Variants in ATPSCKMT observed in about 807,000 individuals in gnomAD.
The protein encoded by ATPSCKMT is ATP synthase c subunit lysine N-methyltransferase, also known as ATP synthase subunit C lysine N-methyltransferase.
In ATPSCKMT, 24 loss-of-function variants were observed where a neutral mutation model predicts 24.3. The observed-to-expected ratio is 0.99, with a 90% confidence interval of 0.71 to 1.39. The LOEUF is 1.39. Among genes scored for constraint, ATPSCKMT ranks in the 40% most tolerant of loss-of-function variants. The pLI is 0.00. For synonymous variants in ATPSCKMT, 95 were observed against 110.5 expected, an observed-to-expected ratio of 0.86 and a Z score of 0.88; for missense variants, 311 against 298.4, an observed-to-expected ratio of 1.04 and a Z score of -0.31.
rs2126408220 is a variant in ATPSCKMT at position 10,225,898 on chromosome 5, C to T, written c.*1543G>A. 6.6e-6 allele frequency among the ~76,000 whole-genome samples: 1 copy of T among 152,270 alleles called. No individual in the cohort carries two copies. The highest frequency in any genetic ancestry group is 1.5e-5 in the Non-Finnish European group (1 of 68,018). The stretch of plus-strand genomic sequence containing the variant: ...GATCCCCCTCCGAGTGTGCCCAGAC[C>T]AGTTACAGGACTGGTTACAGTGGAA... On this transcript the variant is annotated 3_prime_UTR_variant, in exon 5 of 5. Coordinates refer to ENST00000511437, the MANE Select transcript of ATPSCKMT (RefSeq NM_199133.4).
At chr5:10,237,889 C>A (rs10062621) in intron 2 of ATPSCKMT, among the ~76,000 whole-genome samples, 7,489 of 151,976 alleles carry the variant, frequency 0.049, 642 homozygotes, top group African/African-American at 0.17. Context: ...TGGGATTACA[C>A]GCGTGCACCA....
intron 1 of ATPSCKMT, among the ~76,000 whole-genome samples, chr5:10,243,225 C>T (rs1744730160): frequency 1.3e-5 from 2 of 152,184 alleles, no homozygotes; most frequent in African/African-American, 4.8e-5. Flanking sequence ...GTGGCTCGCG[C>T]CTGTAATCTC....
rs577885738 is a variant in ATPSCKMT, at chr5:10,239,075, C to T, written c.298G>A (p.Gly100Arg). The T allele has an allele frequency of 9.3e-6, 15 of 1,613,222 alleles. No individual in the cohort carries two copies. Among genetic ancestry groups the T allele is most frequent in the South Asian group, 5.5e-5 (5 of 90,986 alleles). The change falls in exon 2 of 5, where the codon GGA becomes AGA. Residue 100 changes from glycine to arginine, a missense_variant. Coordinates refer to ENST00000511437, the MANE Select transcript of ATPSCKMT (RefSeq NM_199133.4). ...GTTTTAGCAGAACTCACAATGCGTCCGTCCCCACTACCGATGTCCACAAGG... is the reference window on the plus strand; with the variant it reads ...GTTTTAGCAGAACTCACAATGCGTCTGTCCCCACTACCGATGTCCACAAGG... ...GSLVDIGSGDGRIVIAAAKKG... is the reference protein window; with the variant it reads ...GSLVDIGSGDRRIVIAAAKKG...
chr5:10,229,394 C>A (rs1307727842), intron 4 of ATPSCKMT, among the ~76,000 whole-genome samples: 1 of 152,196 alleles, frequency 6.6e-6, no homozygotes, highest in African/African-American at 2.4e-5. Flanking sequence ...TCTTTGGCAA[C>A]ACCCCACCTG....
intron 1 of ATPSCKMT, among the ~76,000 whole-genome samples, chr5:10,247,935 T>C (rs893800530): frequency 9.2e-5 from 14 of 152,176 alleles, no homozygotes; most frequent in African/African-American, 3.4e-4. Flanking sequence ...GTTGAAAACT[T>C]CAATTTTTAG....
At chr5:10,244,763 C>T (rs1440762672) in intron 1 of ATPSCKMT, among the ~76,000 whole-genome samples, 3 of 151,950 alleles carry the variant, frequency 2.0e-5, no homozygotes, top group African/African-American at 4.8e-5. Context: ...AATAAATTAG[C>T]CATGTGTGGT....
At chr5:10,236,761 TA>T in intron 2 of ATPSCKMT, 146 bp from the exon 3 acceptor site, 1 of 1,462,630 alleles carries the variant, frequency 6.8e-7, no homozygotes, top group Non-Finnish European at 9.0e-7. Context: ...AATGTGTCTC[TA>T]AAGCGATATA....
rs547472407 is a variant in ATPSCKMT, at chr5:10,227,154, T to C, written c.*287A>G. ...TATTGTTTATAATGTGAAGAGCTATTGGCATCTTATTTTCCTACCCATAAC... is the reference window on the plus strand; with the variant it reads ...TATTGTTTATAATGTGAAGAGCTATCGGCATCTTATTTTCCTACCCATAAC... On this transcript the variant is annotated 3_prime_UTR_variant, in exon 5 of 5. Coordinates refer to ENST00000511437, the MANE Select transcript of ATPSCKMT (RefSeq NM_199133.4). 1.9e-5 allele frequency: 8 copies of C among 415,320 alleles called. No homozygotes were observed. The Admixed American group carries it at 3.1e-4, about 16-fold the overall frequency. 25.7% of individuals were successfully genotyped at this position (415,320 alleles called of 1,614,324 possible).
chr5:10,249,732 G>A (rs1745208897), intron 1 of ATPSCKMT, 126 bp downstream of exon 1: 2 of 1,411,848 alleles, frequency 1.4e-6, no homozygotes, highest in African/African-American at 3.0e-5. Flanking sequence ...CCAGGCTGGA[G>A]GCCAGAGCAG....
intron 4 of ATPSCKMT, among the ~76,000 whole-genome samples, chr5:10,231,785 G>A (rs982916480): frequency 2.0e-5 from 3 of 152,202 alleles, no homozygotes; most frequent in Non-Finnish European, 4.4e-5. Context: ...TATTCCAAGC[G>A]ATTAGAACAG....
Position 10,238,911 on chromosome 5 carries a change from C to G in ATPSCKMT, c.306+156G>C, listed in dbSNP as rs1382302160. 3.5e-6 allele frequency: 3 copies of G among 863,316 alleles called. No homozygotes were observed. The African/African-American group carries it at 5.1e-5, about 15-fold the overall frequency. The allele number at this position is 863,316 out of a possible 1,614,324, so 53.5% of individuals were successfully genotyped here. ...CTGGGAAAAATGAATTCCAAACACA[C>G]TGGTAGTTGAATAGTTTGGTCAAAC... On this transcript the variant is annotated intron_variant, in intron 2 of 4. Coordinates refer to ENST00000511437, the MANE Select transcript of ATPSCKMT (RefSeq NM_199133.4).
At position 10,225,936 on chromosome 5, in the gene ATPSCKMT, G is replaced by T. The variant is rs1743858402; in HGVS notation, c.*1505C>A. Among the ~76,000 whole-genome samples the T allele has an allele frequency of 6.6e-6, 1 of 152,158 alleles. No individual in the cohort carries two copies. Among genetic ancestry groups the T allele is most frequent in the Non-Finnish European group, 1.5e-5 (1 of 68,034 alleles). On this transcript the variant is annotated 3_prime_UTR_variant, in exon 5 of 5. Transcript: ENST00000511437. Reference sequence around the variant, plus strand: ...GGTTACAGTGGAAGGCAACTGAGAGGCATAGAGCAAGAGCTGCCCTCCCAC... The same window carrying T: ...GGTTACAGTGGAAGGCAACTGAGAGTCATAGAGCAAGAGCTGCCCTCCCAC...
intron 1 of ATPSCKMT, among the ~76,000 whole-genome samples, chr5:10,242,865 G>A (rs4702681): frequency 0.26 from 39,976 of 152,168 alleles, 6,683 homozygotes; most frequent in East Asian, 0.72. Context: ...GTAACTAGGT[G>A]CATTATCAAT....
At chr5:10,240,590 T>C (rs573346657) in intron 1 of ATPSCKMT, among the ~76,000 whole-genome samples, 3 of 152,184 alleles carry the variant, frequency 2.0e-5, no homozygotes, top group African/African-American at 7.2e-5. Flanking sequence ...ACAGGGATAT[T>C]GTGAGGATGA....
At chr5:10,237,090 G>T in intron 2 of ATPSCKMT, 1 of 1,150,508 alleles carries the variant, frequency 8.7e-7, no homozygotes, top group Non-Finnish European at 1.2e-6. Flanking sequence ...TGTAGTTAAT[G>T]ACTGTTTACT....
At chr5:10,236,332 A>T in intron 3 of ATPSCKMT, 146 bp downstream of exon 3, 1 of 1,005,402 alleles carries the variant, frequency 9.9e-7, no homozygotes, top group Non-Finnish European at 1.4e-6. Flanking sequence ...AAAACGTATC[A>T]ATTTTACATA....
intron 2 of ATPSCKMT, 56 bp downstream of exon 2, chr5:10,239,011 A>G: frequency 6.4e-7 from 1 of 1,567,564 alleles, no homozygotes; most frequent in Non-Finnish European, 8.6e-7. Flanking sequence ...TACTAAATGT[A>G]AAGCAGAAAT....
intron 1 of ATPSCKMT, 179 bp downstream of exon 1, chr5:10,249,679 G>A: frequency 9.8e-7 from 1 of 1,018,906 alleles, no homozygotes; most frequent in Non-Finnish European, 1.4e-6. Context: ...GCCAGAACCG[G>A]CGCGGGCACC....
rs769218232 is a variant in ATPSCKMT, at chr5:10,227,347, A to C, written c.*94T>G. The C allele has an allele frequency of 1.7e-4, 222 of 1,337,986 alleles. No homozygotes were observed. The highest frequency in any genetic ancestry group is 2.1e-4 in the Non-Finnish European group (206 of 961,136). 82.9% of individuals were successfully genotyped at this position (1,337,986 alleles called of 1,614,324 possible). A position where few individuals can be genotyped will look rare whatever the true frequency, so the allele number is the denominator to read the frequency against. On this transcript the variant is annotated 3_prime_UTR_variant, in exon 5 of 5. Transcript: ENST00000511437. ...AATAGTAATTTCTCATTCCAAACCA[A>C]AGACAATTATGCTCCTTTGCTAAGG...
Sources: gnomAD v4.1 joint callset for allele counts (sites outside exome capture counted in the v4.1 genomes callset) on GRCh38, gnomAD v4.1.1 for gene constraint, MANE v1.5 for transcripts, NCBI Gene and HGNC (gene_info 2026-07-23, HGNC 2026-07-21) for gene names.